PPM1L: variants seen among roughly 807,000 people sequenced by gnomAD.
PPM1L encodes protein phosphatase, Mg2+/Mn2+ dependent 1L.
In PPM1L, 13 loss-of-function variants were observed where a neutral mutation model predicts 31.4. The observed-to-expected ratio is 0.41, with a 90% CI of 0.27 to 0.66. PPM1L has a LOEUF of 0.66. Ranked by LOEUF, PPM1L falls within the 30% of genes least tolerant of loss-of-function variation. The pLI is 0.29. For missense variants in PPM1L, 326 were observed against 453.7 expected, an observed-to-expected ratio of 0.72 and a Z score of 2.56; for synonymous variants, 184 against 175.4, an observed-to-expected ratio of 1.05 and a Z score of -0.39.
intron 2 of PPM1L, among the ~76,000 whole-genome samples, chr3:160,988,834 A>T (rs1362680120): frequency 6.6e-6 from 1 of 152,198 alleles, no homozygotes; most frequent in African/African-American, 2.4e-5. Context: ...AGATGTCTGT[A>T]CAATTCTTTA....
intron 1 of PPM1L, among the ~76,000 whole-genome samples, chr3:160,889,757 A>G (rs1200122800): frequency 6.6e-6 from 1 of 152,204 alleles, no homozygotes; most frequent in Non-Finnish European, 1.5e-5. Context: ...TCCTCAATAA[A>G]ATACTGGCAA....
At chr3:160,919,441 C>T (rs1225337583) in intron 1 of PPM1L, among the ~76,000 whole-genome samples, 1 of 152,118 alleles carries the variant, frequency 6.6e-6, no homozygotes, top group Non-Finnish European at 1.5e-5. Context: ...TTCTTAATAA[C>T]CAATGGGCAT....
chr3:160,920,586 TTCTCTCTCTCTCTCTCTCTC>T (rs3063236), intron 1 of PPM1L, among the ~76,000 whole-genome samples: 1 of 120,354 alleles, frequency 8.3e-6, no homozygotes, highest in Non-Finnish European at 1.6e-5. Flanking sequence ...TGCATTTAGT[TTCTCTCTCTCTCTCTCTCTC>T]TCTCTCTCTC....
In PPM1L at chr3:160,842,261, G is replaced by A. The variant is rs949975747; in HGVS notation, c.399+85554G>A. 7 of 702,356 alleles carry A rather than the reference G, an allele frequency of 1.0e-5. No individual in the cohort carries two copies. In the Admixed American group the frequency reaches 1.2e-4, roughly 12 times the overall value. 43.5% of individuals were successfully genotyped at this position (702,356 alleles called of 1,614,324 possible). The stretch of plus-strand genomic sequence containing the variant: ...GGATGCTGGTGCCATTAGCAGAGAG[G>A]GCTAGACCAGAACATGCCTGCTTTT... On this transcript the variant is annotated intron_variant, in intron 1 of 3. Coordinates refer to ENST00000498165, the MANE Select transcript of PPM1L (RefSeq NM_139245.4).
chr3:160,831,940 C>T (rs1412788879), intron 1 of PPM1L, among the ~76,000 whole-genome samples: 1 of 152,176 alleles, frequency 6.6e-6, no homozygotes, highest in Non-Finnish European at 1.5e-5. Flanking sequence ...TATTGTTCTA[C>T]AAGTAGTATT....
intron 1 of PPM1L, among the ~76,000 whole-genome samples, chr3:160,925,032 C>G (rs1242079102): frequency 6.6e-6 from 1 of 152,070 alleles, no homozygotes; most frequent in East Asian, 1.9e-4. Context: ...TTTATATTTC[C>G]TTTCAGAATA....
chr3:161,060,285 G>A (rs1290203726), intron 2 of PPM1L, among the ~76,000 whole-genome samples: 3 of 152,110 alleles, frequency 2.0e-5, no homozygotes, highest in Non-Finnish European at 4.4e-5. Context: ...AGAGAACAGC[G>A]AGTACAAAAG....
chr3:160,810,713 A>G (rs1712779224), intron 1 of PPM1L, among the ~76,000 whole-genome samples: 1 of 152,238 alleles, frequency 6.6e-6, no homozygotes, highest in South Asian at 2.1e-4. Context: ...ATGAGAGTTC[A>G]GTATCTAAAA....
At chr3:160,840,316 G>A (rs1713833412) in intron 1 of PPM1L, among the ~76,000 whole-genome samples, 1 of 152,062 alleles carries the variant, frequency 6.6e-6, no homozygotes, top group African/African-American at 2.4e-5. Flanking sequence ...GTTTGCATTG[G>A]GTTTCATAAG....
At chr3:161,008,650 A>AT (rs1717790927) in intron 2 of PPM1L, among the ~76,000 whole-genome samples, 2 of 152,176 alleles carry the variant, frequency 1.3e-5, no homozygotes, top group South Asian at 4.1e-4. Flanking sequence ...AGGCTGGTGG[A>AT]GATTTCTAAT....
At chr3:160,952,895 G>C (rs960926119) in intron 1 of PPM1L, among the ~76,000 whole-genome samples, 3 of 152,166 alleles carry the variant, frequency 2.0e-5, no homozygotes, top group African/African-American at 7.2e-5. Flanking sequence ...AATGGAGCTT[G>C]AGGGTTTCTC....
intron 1 of PPM1L, among the ~76,000 whole-genome samples, chr3:160,875,226 T>C (rs1013425901): frequency 6.6e-6 from 1 of 152,236 alleles, no homozygotes; most frequent in Non-Finnish European, 1.5e-5. Flanking sequence ...TGGAATGTAC[T>C]TATTTATTTA....
At chr3:160,884,898 A>G (rs1057440308) in intron 1 of PPM1L, among the ~76,000 whole-genome samples, 1 of 152,238 alleles carries the variant, frequency 6.6e-6, no homozygotes, top group African/African-American at 2.4e-5. Flanking sequence ...AGTGTGTGGG[A>G]TTCTCTGAAC....
rs985102757 is a variant in PPM1L at position 160,884,417 on chromosome 3, A to T, written c.400-77319A>T. ...AAGGTATGGAGATGGGAAAGGAAAG[A>T]CATTTTAAAGAATAGCAAGTGGCCT... is the stretch of plus-strand genomic sequence containing the variant. On this transcript the variant is annotated intron_variant, in intron 1 of 3. Coordinates refer to ENST00000498165, the MANE Select transcript of PPM1L (RefSeq NM_139245.4). Among the ~76,000 whole-genome samples, 6 of 152,300 alleles carry T rather than the reference A, an allele frequency of 3.9e-5. No homozygotes were observed. In the South Asian group the frequency reaches 1.2e-3, roughly 32 times the overall value.
chr3:160,903,414 C>G (rs1452607909), intron 1 of PPM1L, among the ~76,000 whole-genome samples: 2 of 152,010 alleles, frequency 1.3e-5, no homozygotes, highest in Non-Finnish European at 2.9e-5. Context: ...ATGTCTCCAA[C>G]TGATGGATAA....
At chr3:160,840,805 G>A (rs1713853360) in intron 1 of PPM1L, among the ~76,000 whole-genome samples, 2 of 151,704 alleles carry the variant, frequency 1.3e-5, no homozygotes, top group Non-Finnish European at 2.9e-5. Flanking sequence ...GAGAGAGAAA[G>A]AGAGAGAAGG....
At chr3:160,987,441 T>C (rs1183987034) in intron 2 of PPM1L, among the ~76,000 whole-genome samples, 1 of 152,178 alleles carries the variant, frequency 6.6e-6, no homozygotes, top group Non-Finnish European at 1.5e-5. Context: ...AAACTACATA[T>C]ATATTTCACT....
At chr3:160,896,752 A>T (rs750881136) in intron 1 of PPM1L, among the ~76,000 whole-genome samples, 1 of 152,174 alleles carries the variant, frequency 6.6e-6, no homozygotes, top group African/African-American at 2.4e-5. Flanking sequence ...CTTTGCCTGG[A>T]ATTATGATGG....
intron 1 of PPM1L, among the ~76,000 whole-genome samples, chr3:160,832,218 T>C (rs1351683871): frequency 2.0e-5 from 3 of 152,172 alleles, no homozygotes; most frequent in Non-Finnish European, 4.4e-5. Flanking sequence ...CACTGCTATG[T>C]ACAATGGCAG....
Sources: allele counts gnomAD v4.1 joint callset (sites outside exome capture counted in the v4.1 genomes callset), GRCh38; gene constraint gnomAD v4.1.1; transcripts MANE v1.5; gene names NCBI Gene and HGNC (gene_info 2026-07-23, HGNC 2026-07-21).